Variants in SYBU observed in about 807,000 individuals in gnomAD.
SYBU encodes the protein GOLSYN A protein.
Under a neutral mutation model 35.9 loss-of-function variants are expected in SYBU, and 21 were observed. The observed-to-expected ratio is 0.58, with a 90% CI of 0.41 to 0.84. The LOEUF is 0.84. Ranked by LOEUF, SYBU falls within the 40% of genes least tolerant of loss-of-function variation. SYBU has a pLI of 0.00. For synonymous variants in SYBU, 319 were observed against 324.3 expected, an observed-to-expected ratio of 0.98 and a Z score of 0.18; for missense variants, 768 against 848.2, an observed-to-expected ratio of 0.91 and a Z score of 1.17.
At chr8:109,664,949 A>C (rs1039265984) in intron 1 of SYBU, among the ~76,000 whole-genome samples, 13 of 152,218 alleles carry the variant, frequency 8.5e-5, no homozygotes, top group African/African-American at 2.9e-4. Flanking sequence ...TGAAATGATT[A>C]GCAAATGATA....
At chr8:109,642,014 T>G (rs7825942) in intron 2 of SYBU, among the ~76,000 whole-genome samples, 1 of 152,118 alleles carries the variant, frequency 6.6e-6, no homozygotes, top group Admixed American at 6.5e-5. Context: ...CGTATGTTTA[T>G]TGCAGCACTG....
At chr8:109,603,844 G>T (rs1191535308) in intron 3 of SYBU, among the ~76,000 whole-genome samples, 1 of 152,198 alleles carries the variant, frequency 6.6e-6, no homozygotes, top group African/African-American at 2.4e-5. Flanking sequence ...TTACCCCTGG[G>T]GTAGTCAGAG....
At chr8:109,663,643 T>C (rs1429872785) in intron 1 of SYBU, among the ~76,000 whole-genome samples, 1 of 152,176 alleles carries the variant, frequency 6.6e-6, no homozygotes, top group Non-Finnish European at 1.5e-5. Context: ...TTATTATTCC[T>C]TTTAGTCTTT....
chr8:109,581,969 G>A lies in SYBU; in HGVS notation c.531-1967C>T, dbSNP rs1220213787. Among the ~76,000 whole-genome samples the A allele has an allele frequency of 3.9e-5, 6 of 152,298 alleles. No individual in the cohort carries two copies. The South Asian group carries it at 1.2e-3, about 32-fold the overall frequency. On this transcript the variant is annotated intron_variant, in intron 4 of 6. Coordinates refer to ENST00000276646, the MANE Select transcript of SYBU (RefSeq NM_001099754.2). The stretch of plus-strand genomic sequence containing the variant: ...GACAAAACCAACTTCAGCAGCCCAT[G>A]GTAGAAAGAACTTCATGAGTAGCTG...
At chr8:109,689,318 A>T (rs563263911) in intron 1 of SYBU, among the ~76,000 whole-genome samples, 1 of 152,008 alleles carries the variant, frequency 6.6e-6, no homozygotes, top group South Asian at 2.1e-4. Flanking sequence ...ATTTTTTAAA[A>T]TTTTCTTTAA....
chr8:109,641,371 T>A (rs1814858721), intron 2 of SYBU, among the ~76,000 whole-genome samples: 1 of 152,366 alleles, frequency 6.6e-6, no homozygotes, highest in Admixed American at 6.5e-5. Context: ...GTAAGCCAGG[T>A]ACCGTGTAAG....
chr8:109,632,748 C>T (rs1813782269), intron 2 of SYBU, among the ~76,000 whole-genome samples: 1 of 152,128 alleles, frequency 6.6e-6, no homozygotes, highest in Non-Finnish European at 1.5e-5. Context: ...AATTTAGTCT[C>T]ATAGACAAAA....
chr8:109,639,369 T>C (rs1414155441), intron 2 of SYBU, among the ~76,000 whole-genome samples: 2 of 152,242 alleles, frequency 1.3e-5, no homozygotes, highest in East Asian at 1.9e-4. Context: ...TTAGAACATA[T>C]GACGCTTTTC....
intron 1 of SYBU, among the ~76,000 whole-genome samples, chr8:109,687,962 A>C (rs1023489321): frequency 2.6e-5 from 4 of 152,184 alleles, no homozygotes; most frequent in Non-Finnish European, 5.9e-5. Context: ...AATAATCTAG[A>C]GGTACATTTT....
At chr8:109,668,256 C>T (rs1232144236) in intron 1 of SYBU, among the ~76,000 whole-genome samples, 5 of 147,136 alleles carry the variant, frequency 3.4e-5, no homozygotes, top group African/African-American at 5.0e-5. Flanking sequence ...AAGTGAAATG[C>T]GAGGTGTAGA....
chr8:109,654,767 T>A (rs1816286994), intron 1 of SYBU, among the ~76,000 whole-genome samples: 1 of 152,230 alleles, frequency 6.6e-6, no homozygotes, highest in Non-Finnish European at 1.5e-5. Context: ...TTCCCTAAGT[T>A]GATAAACAAT....
At chr8:109,628,285 G>A (rs1161863158) in intron 2 of SYBU, among the ~76,000 whole-genome samples, 4 of 152,064 alleles carry the variant, frequency 2.6e-5, no homozygotes, top group Non-Finnish European at 4.4e-5. Flanking sequence ...AAGGTGAGAG[G>A]ATAGCTTGAG....
At position 109,588,968 on chromosome 8, in the gene SYBU, T is replaced by C. The variant is rs542538256; in HGVS notation, c.428-2806A>G. Among the ~76,000 whole-genome samples the C allele has an allele frequency of 2.0e-3, 310 of 152,244 alleles. 1 individual carries two copies. Among genetic ancestry groups the C allele is most frequent in the African/African-American group, 7.0e-3 (292 of 41,544 alleles). ...TGAGGTCAGGAGTTCGAAACCAGCCTGGCCAACATGGCAAAACCCTGTCTC... is the reference window on the plus strand; with the variant it reads ...TGAGGTCAGGAGTTCGAAACCAGCCCGGCCAACATGGCAAAACCCTGTCTC... On this transcript the variant is annotated intron_variant, in intron 3 of 6. Coordinates refer to ENST00000276646, the MANE Select transcript of SYBU (RefSeq NM_001099754.2).
At chr8:109,628,129 G>A (rs1267278767) in intron 2 of SYBU, among the ~76,000 whole-genome samples, 6 of 152,186 alleles carry the variant, frequency 3.9e-5, no homozygotes, top group Non-Finnish European at 8.8e-5. Context: ...GTAATGATGA[G>A]TGAGACACTA....
chr8:109,635,139 C>A (rs1446248961), intron 2 of SYBU, among the ~76,000 whole-genome samples: 3 of 152,334 alleles, frequency 2.0e-5, no homozygotes, highest in Non-Finnish European at 1.5e-5. Context: ...GTTGATACAT[C>A]CCATCTCTTG....
chr8:109,644,579 C>A lies in SYBU; in HGVS notation c.24+57G>T, dbSNP rs888649809. On this transcript the variant is annotated intron_variant, in intron 1 of 6. Transcript: ENST00000276646. ...CCAGCTCTCATCCCGCCGCTTCTCG[C>A]CCCGCAGTGCCCGCCTTCCCCGCCC... The A allele has an allele frequency of 4.6e-6, 7 of 1,528,710 alleles. No individual in the cohort carries two copies. The Admixed American group carries it at 7.8e-5, about 17-fold the overall frequency. 94.7% of individuals were successfully genotyped at this position (1,528,710 alleles called of 1,614,324 possible).
At chr8:109,685,567 T>C (rs1000930012), upstream of SYBU, among the ~76,000 whole-genome samples, 1 of 152,220 alleles carries the variant, frequency 6.6e-6, no homozygotes, top group African/African-American at 2.4e-5. Context: ...CACTGCTTTG[T>C]GTTGTTGTTA....
At chr8:109,600,038 GC>G (rs1442607473) in intron 3 of SYBU, among the ~76,000 whole-genome samples, 40 of 152,156 alleles carry the variant, frequency 2.6e-4, no homozygotes, top group Non-Finnish European at 5.6e-4. Context: ...GGATTAGGTG[GC>G]CCTCCTTTAT....
At chr8:109,645,010 T>C, upstream of SYBU, 1 of 475,814 alleles carries the variant, frequency 2.1e-6, no homozygotes, top group Non-Finnish European at 3.9e-6. Flanking sequence ...CCAGAGCCGG[T>C]GTCCCTCCCT....
Sources: allele counts gnomAD v4.1 joint callset (sites outside exome capture counted in the v4.1 genomes callset), GRCh38; gene constraint gnomAD v4.1.1; transcripts MANE v1.5; gene names NCBI Gene and HGNC (gene_info 2026-07-23, HGNC 2026-07-21).